FOXI1: variants seen among roughly 807,000 people sequenced by gnomAD.
FOXI1 encodes the protein forkhead box protein I1.
FOXI1 carries 11 observed loss-of-function variants against 16.4 expected under a neutral mutation model. That is an observed-to-expected ratio of 0.67 (90% CI 0.42 to 1.11). The LOEUF (loss-of-function observed/expected upper bound fraction) is 1.11. Ranked by LOEUF, FOXI1 falls within the 50% of genes least tolerant of loss-of-function variation. The pLI, the probability that FOXI1 is intolerant of heterozygous loss-of-function variation, is 0.00. For synonymous variants in FOXI1, 218 were observed against 211.5 expected (o/e 1.03, Z -0.27); for missense variants, 480 against 506.1 (o/e 0.95, Z 0.49).
Position 170,108,246 on chromosome 5 carries a change from G to C in FOXI1, c.772G>C (p.Gly258Arg), listed in dbSNP as rs759783281. 11 of 1,614,030 alleles carry C rather than the reference G, an allele frequency of 6.8e-6. No homozygotes were observed. Among genetic ancestry groups the C allele is most frequent in the Non-Finnish European group, 7.6e-6 (9 of 1,179,916 alleles). The change falls in exon 2 of 2, where the codon GGG becomes CGG. Residue 258 changes from glycine to arginine, a missense_variant. By Grantham distance (125) the Gly-to-Arg change is moderately radical (BLOSUM62 -2). This residue lies in a region of FOXI1 where 257 missense variants were observed against 262.2 expected (regional missense o/e 0.98). Transcript: ENST00000306268. The stretch of plus-strand genomic sequence containing the variant: ...GGACATCTTGGATGGAGCCTCACCA[G>C]GGGGCACCACCAGCTCCCCAGAGAA... ...PQDILDGASP[G>R]GTTSSPEKRP...
In FOXI1 at chr5:170,108,290, A is replaced by T. The variant is rs1758556425; in HGVS notation, c.816A>T (p.Pro272=). ...SSPEKRPSPP[P]SGAPCLNSFL... ...CAGAGAAGCGGCCCTCCCCTCCCCCATCAGGCGCCCCTTGCCTTAACAGCT... is the reference window on the plus strand; with the variant it reads ...CAGAGAAGCGGCCCTCCCCTCCCCCTTCAGGCGCCCCTTGCCTTAACAGCT... The change falls in exon 2 of 2, where the codon CCA becomes CCT. Residue 272 remains proline (P), a synonymous_variant. Coordinates refer to ENST00000306268, the MANE Select transcript of FOXI1 (RefSeq NM_012188.5). The T allele has an allele frequency of 1.2e-6, 2 of 1,613,646 alleles. No individual in the cohort carries two copies. Among genetic ancestry groups the T allele is most frequent in the Non-Finnish European group, 1.7e-6 (2 of 1,179,916 alleles).
rs866622107 is a variant in FOXI1 at position 170,106,251 on chromosome 5, C to T, written c.294C>T (p.Ser98=). ...GAGTGCAGAGGCCGCTGCTGCCCAG[C>T]GTGTCGGGGCTTGGGGGGAGCGACC... The part of the protein sequence containing the change: ...AYGVQRPLLP[S]VSGLGGSDLG... Residue 98 remains serine (S), a synonymous_variant, in exon 1 of 2, where the codon AGC becomes AGT. Transcript: ENST00000306268. The T allele has an allele frequency of 3.4e-5, 54 of 1,580,242 alleles. No individual in the cohort carries two copies. The East Asian group carries it at 1.3e-3, about 37-fold the overall frequency.
At chr5:170,107,233 G>A (rs769891103) in intron 1 of FOXI1, among the ~76,000 whole-genome samples, 12 of 152,170 alleles carry the variant, frequency 7.9e-5, no homozygotes, top group Non-Finnish European at 5.9e-5. Context: ...CCTTTTCAAC[G>A]ATGCATTTCT....
At position 170,108,644 on chromosome 5, in the gene FOXI1, C is replaced by T. The variant is rs577243177; in HGVS notation, c.*33C>T. ...ACAGCTCCTGAGCCAGGTGGACATG[C>T]CAGAGAGAAAAGCAGTAGAGGTCCT... On this transcript the variant is annotated 3_prime_UTR_variant, in exon 2 of 2. Transcript: ENST00000306268. 1.3e-6 allele frequency: 2 copies of T among 1,549,446 alleles called. No homozygotes were observed. The highest frequency in any genetic ancestry group is 2.7e-5 in the African/African-American group (2 of 73,666).
chr5:170,108,172 A>G lies in FOXI1; in HGVS notation c.698A>G (p.Lys233Arg), dbSNP rs1318693274. The change falls in exon 2 of 2, where the codon AAG becomes AGG. Residue 233 changes from lysine to arginine, a missense_variant. Coordinates refer to ENST00000306268, the MANE Select transcript of FOXI1 (RefSeq NM_012188.5). The part of the protein sequence containing the change: ...SSSTASLALE[K>R]TESSLPVDSP... ...AGCACAGCCTCCTTGGCCTTAGAGA[A>G]GACAGAGAGCAGTCTCCCGGTGGAC... The G allele has an allele frequency of 2.5e-6, 4 of 1,614,212 alleles. No homozygotes were observed. In the East Asian group the frequency reaches 6.7e-5, roughly 27 times the overall value.
In FOXI1 at chr5:170,106,242, G is replaced by T; in HGVS notation, c.285G>T (p.Leu95=). The T allele has an allele frequency of 6.3e-7, 1 of 1,579,516 alleles. No homozygotes were observed. The part of the protein sequence containing the change: ...LPQAYGVQRP[L]LPSVSGLGGS... ...AGGCCTATGGAGTGCAGAGGCCGCT[G>T]CTGCCCAGCGTGTCGGGGCTTGGGG... Residue 95 remains leucine, a synonymous_variant, in exon 1 of 2, where the codon CTG becomes CTT. Transcript: ENST00000306268.
At position 170,108,536 on chromosome 5, in the gene FOXI1, C is replaced by G. The variant is rs770536798; in HGVS notation, c.1062C>G (p.Ser354Arg). ...TCAGCTATGGAGGATCTGTGCTCAG[C>G]CAATTCAGCCCTCACTTCTACAACA... is the stretch of plus-strand genomic sequence containing the variant. Reference protein sequence around the residue: ...NMLSYGGSVLSQFSPHFYNSV... With the variant: ...NMLSYGGSVLRQFSPHFYNSV... The change falls in exon 2 of 2, where the codon AGC becomes AGG. Residue 354 changes from serine to arginine, a missense_variant. Physicochemically the swap from Ser to Arg is moderately radical, Grantham distance 110. Coordinates refer to ENST00000306268, the MANE Select transcript of FOXI1 (RefSeq NM_012188.5). 5.0e-6 allele frequency: 8 copies of G among 1,612,362 alleles called. No individual in the cohort carries two copies. The highest frequency in any genetic ancestry group is 2.5e-6 in the Non-Finnish European group (3 of 1,179,170).
chr5:170,107,697 C>T (rs1758532854), intron 1 of FOXI1, among the ~76,000 whole-genome samples: 1 of 152,244 alleles, frequency 6.6e-6, no homozygotes, highest in South Asian at 2.1e-4. Flanking sequence ...CCAGAGTTTT[C>T]CTGAGTCTTC....
Position 170,106,082 on chromosome 5 carries a change from C to G in FOXI1, c.125C>G (p.Pro42Arg). The change falls in exon 1 of 2, where the codon CCC becomes CGC. Residue 42 changes from proline to arginine, a missense_variant. Coordinates refer to ENST00000306268, the MANE Select transcript of FOXI1 (RefSeq NM_012188.5). ...AACTTCTTCCACCCACAGGGCGTGC[C>G]CAGCCCTCAGCGGCCCTCCTTCGAG... ...YENFFHPQGV[P>R]SPQRPSFEGG... 3 of 1,613,584 alleles carry G rather than the reference C, an allele frequency of 1.9e-6. No homozygotes were observed. Among genetic ancestry groups the G allele is most frequent in the Non-Finnish European group, 2.5e-6 (3 of 1,179,702 alleles).
chr5:170,108,476 G>A lies in FOXI1; in HGVS notation c.1002G>A (p.Gly334=). ...PLTNLSNHSG[G]GDWANPMPTN... is the part of the protein sequence containing the mutation. Reference sequence around the variant, plus strand: ...CCAACCTCAGCAACCACAGCGGTGGGGGTGACTGGGCGAACCCCATGCCCA... The same window carrying A: ...CCAACCTCAGCAACCACAGCGGTGGAGGTGACTGGGCGAACCCCATGCCCA... The change falls in exon 2 of 2, where the codon GGG becomes GGA. Residue 334 remains glycine (G), a synonymous_variant. Transcript: ENST00000306268. 2 of 1,601,584 alleles carry A rather than the reference G, an allele frequency of 1.2e-6. No individual in the cohort carries two copies. Among genetic ancestry groups the A allele is most frequent in the Non-Finnish European group, 1.7e-6 (2 of 1,172,012 alleles).
rs561185667 is a variant in FOXI1, at chr5:170,106,630, C to G, written c.574+99C>G. Reference sequence around the variant, plus strand: ...AAAGTTCTGACTAGGGCTGTGCCCCCCAAGACTGGGGGATGCTACCAGGCA... The same window carrying G: ...AAAGTTCTGACTAGGGCTGTGCCCCGCAAGACTGGGGGATGCTACCAGGCA... On this transcript the variant is annotated intron_variant, in intron 1 of 1. Coordinates refer to ENST00000306268, the MANE Select transcript of FOXI1 (RefSeq NM_012188.5). 204 of 1,522,178 alleles carry G rather than the reference C, an allele frequency of 1.3e-4. No homozygotes were observed. In the East Asian group the frequency reaches 2.8e-3, roughly 21 times the overall value. 94.3% of individuals were successfully genotyped at this position (1,522,178 alleles called of 1,614,324 possible). A position where few individuals can be genotyped will look rare whatever the true frequency, so the allele number is the denominator to read the frequency against.
chr5:170,106,550 TG>T lies in FOXI1; in HGVS notation c.574+25del, dbSNP rs776112743. 6.8e-6 allele frequency: 11 copies of T among 1,614,064 alleles called. No homozygotes were observed. The highest frequency in any genetic ancestry group is 2.2e-5 in the East Asian group (1 of 44,862). On this transcript the variant is annotated intron_variant, in intron 1 of 1. Coordinates refer to ENST00000306268, the MANE Select transcript of FOXI1 (RefSeq NM_012188.5). ...GACCCGGGTAAGGAGGCTTTGAGTGTGGGGGGTGTCCCCAAGGAAGACTCAC... is the reference window on the plus strand; with the variant it reads ...GACCCGGGTAAGGAGGCTTTGAGTGTGGGGGTGTCCCCAAGGAAGACTCAC...
rs375563324 is a variant in FOXI1 at position 170,108,234 on chromosome 5, G to A, written c.760G>A (p.Gly254Arg). 2.5e-6 allele frequency: 4 copies of A among 1,614,046 alleles called. No homozygotes were observed. The highest frequency in any genetic ancestry group is 2.2e-5 in the South Asian group (2 of 91,090). ...KTTEPQDILD[G>R]ASPGGTTSSP... ...CACGGAGCCTCAGGACATCTTGGAT[G>A]GAGCCTCACCAGGGGGCACCACCAG... The change falls in exon 2 of 2, where the codon GGA becomes AGA. Residue 254 changes from glycine to arginine, a missense_variant. This residue lies in a region of FOXI1 where 257 missense variants were observed against 262.2 expected (regional missense o/e 0.98). Transcript: ENST00000306268.
In FOXI1 at chr5:170,108,081, T is replaced by C. The variant is rs1383999790; in HGVS notation, c.607T>C (p.Cys203Arg). ...GAATTACTGGACCCTGGACCCCAACTGTGAGAAAATGTTCGACAATGGAAA... is the reference window on the plus strand; with the variant it reads ...GAATTACTGGACCCTGGACCCCAACCGTGAGAAAATGTTCGACAATGGAAA... ...KGNYWTLDPN[C>R]EKMFDNGNFR... The change falls in exon 2 of 2, where the codon TGT (cysteine) becomes CGT (arginine). Residue 203 changes from cysteine to arginine, a missense_variant. Physicochemically the swap from Cys to Arg is radical, Grantham distance 180. Transcript: ENST00000306268. 6.2e-7 allele frequency: 1 copy of C among 1,614,140 alleles called. No individual in the cohort carries two copies.
At position 170,105,912 on chromosome 5, in the gene FOXI1, G is replaced by A. The variant is rs774632690; in HGVS notation, c.-46G>A. 78 of 1,413,788 alleles carry A rather than the reference G, an allele frequency of 5.5e-5. No homozygotes were observed. The highest frequency in any genetic ancestry group is 5.1e-4 in the Admixed American group (29 of 57,128). 87.6% of individuals were successfully genotyped at this position (1,413,788 alleles called of 1,614,324 possible). A position where few individuals can be genotyped will look rare whatever the true frequency, so the allele number is the denominator to read the frequency against. ...CTGAGCACCTGTCAGGGGCAGCTCC[G>A]GGGTGCAGGTGCCAGGCAGGTGGCT... is the stretch of plus-strand genomic sequence containing the variant. On this transcript the variant is annotated 5_prime_UTR_variant, in exon 1 of 2. Transcript: ENST00000306268.
At chr5:170,106,784 T>A (rs2113895587) in intron 1 of FOXI1, 1 of 260,196 alleles carries the variant, frequency 3.8e-6, no homozygotes, top group Non-Finnish European at 6.0e-6. Flanking sequence ...AGTTCCCTCA[T>A]CGGAAAACCA....
chr5:170,107,720 A>T (rs900014086), intron 1 of FOXI1, among the ~76,000 whole-genome samples: 4 of 152,156 alleles, frequency 2.6e-5, no homozygotes, highest in Admixed American at 1.3e-4. Flanking sequence ...TTCCTTCAGC[A>T]TTGAAAGCCC....
Position 170,106,043 on chromosome 5 carries a change from A to G in FOXI1, c.86A>G (p.Asn29Ser), listed in dbSNP as rs756006075. The part of the protein sequence containing the change: ...PSIGQEPPEM[N>S]LYYENFFHPQ... The stretch of plus-strand genomic sequence containing the variant: ...ATCGGCCAGGAGCCCCCCGAGATGA[A>G]CCTCTACTATGAGAACTTCTTCCAC... The change falls in exon 1 of 2, where the codon AAC becomes AGC. Residue 29 changes from asparagine (N) to serine (S), a missense_variant. Coordinates refer to ENST00000306268, the MANE Select transcript of FOXI1 (RefSeq NM_012188.5). 1.9e-6 allele frequency: 3 copies of G among 1,612,408 alleles called. No homozygotes were observed. The highest frequency in any genetic ancestry group is 1.1e-5 in the South Asian group (1 of 90,956).
rs1226087321 is a variant in FOXI1 at position 170,108,856 on chromosome 5, G to C, written c.*245G>C. On this transcript the variant is annotated 3_prime_UTR_variant, in exon 2 of 2. Coordinates refer to ENST00000306268, the MANE Select transcript of FOXI1 (RefSeq NM_012188.5). ...CTGCAGAGCAGCACTAACAGTGGCAGGTGCTGTACTAGGCTCTGTACTGGC... is the reference window on the plus strand; with the variant it reads ...CTGCAGAGCAGCACTAACAGTGGCACGTGCTGTACTAGGCTCTGTACTGGC... 1 of 570,584 alleles carries C rather than the reference G, an allele frequency of 1.8e-6. No individual in the cohort carries two copies. Among genetic ancestry groups the C allele is most frequent in the Non-Finnish European group, 3.1e-6 (1 of 318,502 alleles). The allele number at this position is 570,584 out of a possible 1,614,324, so 35.3% of individuals were successfully genotyped here.
Sources: gnomAD v4.1 joint callset for allele counts (sites outside exome capture counted in the v4.1 genomes callset) on GRCh38, gnomAD v4.1.1 for gene constraint, gnomAD v4.1.1 regional missense constraint, MANE v1.5 for transcripts, NCBI Gene and HGNC (gene_info 2026-07-23, HGNC 2026-07-21) for gene names.